Variants in VPS13D observed in about 807,000 individuals in gnomAD.
VPS13D encodes the protein intermembrane lipid transfer protein VPS13D.
VPS13D carries 187 observed loss-of-function variants against 461.9 expected under a neutral mutation model. The observed-to-expected ratio is 0.40, with a 90% confidence interval of 0.36 to 0.46. The LOEUF is 0.46. Ranked by LOEUF, VPS13D falls within the 20% of genes least tolerant of loss-of-function variation. VPS13D has a pLI of 0.60. For missense variants in VPS13D, 4,711 were observed against 5,364.9 expected, an observed-to-expected ratio of 0.88 and a Z score of 3.81; for synonymous variants, 1,951 against 1,986.3, an observed-to-expected ratio of 0.98 and a Z score of 0.47.
At chr1:12,398,324 A>G (rs1337935241) in intron 60 of VPS13D, among the ~76,000 whole-genome samples, 7 of 151,980 alleles carry the variant, frequency 4.6e-5, no homozygotes, top group African/African-American at 1.7e-4. Flanking sequence ...TTCCACTTAC[A>G]AGCTGTGCGA....
chr1:12,276,867 G>A lies in VPS13D; in HGVS notation c.3279G>A (p.Ser1093=), dbSNP rs144696813. The part of the protein sequence containing the change: ...EYQFVSSECP[S]MNLDSTLQVI... The stretch of plus-strand genomic sequence containing the variant: ...AGTTTGTGAGTTCAGAGTGCCCATC[G>A]ATGAATTTAGACAGTACTCTTCAGG... The change falls in exon 19 of 70, where the codon TCG becomes TCA. Residue 1093 remains serine, a synonymous_variant. Coordinates refer to ENST00000620676, the MANE Select transcript of VPS13D (RefSeq NM_015378.4). The surrounding 1 kb of genome is among the most constrained non-coding windows in gnomAD (Gnocchi z 4.5). The A allele has an allele frequency of 6.2e-5, 100 of 1,614,124 alleles. 1 individual carries two copies. The highest frequency in any genetic ancestry group is 4.5e-4 in the Admixed American group (27 of 60,024).
chr1:12,276,454 C>T lies in VPS13D; in HGVS notation c.2866C>T (p.Leu956=). The part of the protein sequence containing the change: ...REVLVESQLL[L]AEFKVNCMQL... ...GGTTCTGGTGGAGTCGCAGCTCCTCCTGGCGGAATTTAAAGTGAACTGTAT... is the reference window on the plus strand; with the variant it reads ...GGTTCTGGTGGAGTCGCAGCTCCTCTTGGCGGAATTTAAAGTGAACTGTAT... Residue 956 remains leucine, a synonymous_variant, in exon 19 of 70, where the codon CTG becomes TTG. Transcript: ENST00000620676. The surrounding 1 kb of genome is among the most constrained non-coding windows in gnomAD (Gnocchi z 4.5). The T allele has an allele frequency of 6.2e-7, 1 of 1,614,180 alleles. No homozygotes were observed. Among genetic ancestry groups the T allele is most frequent in the South Asian group, 1.1e-5 (1 of 91,074 alleles).
intron 44 of VPS13D, among the ~76,000 whole-genome samples, chr1:12,347,011 G>T (rs572451128): frequency 2.0e-5 from 3 of 152,280 alleles, no homozygotes; most frequent in African/African-American, 7.2e-5. Context: ...GGAAAAAGTA[G>T]CAGTTTATTT....
At chr1:12,311,788 A>T (rs1177664611) in intron 28 of VPS13D, 25 bp from the exon 29 acceptor site, 6 of 1,605,600 alleles carry the variant, frequency 3.7e-6, no homozygotes, top group Middle Eastern at 3.3e-4. Context: ...TCAGCTGTGG[A>T]TTGACGAGCA....
chr1:12,283,713 G>T lies in VPS13D; in HGVS notation c.5611G>T (p.Val1871Leu). 2 of 1,613,418 alleles carry T rather than the reference G, an allele frequency of 1.2e-6. No homozygotes were observed. Among genetic ancestry groups the T allele is most frequent in the Non-Finnish European group, 1.7e-6 (2 of 1,179,476 alleles). ...ASMESGLQDP[V>L]NTKLDLKVHS... ...CATGGAGTCTGGACTTCAGGATCCA[G>T]TGAACACCAAACTGGATCTCAAGGT... Residue 1871 changes from valine (V) to leucine (L), a missense_variant, in exon 21 of 70, where the codon GTG becomes TTG. By Grantham distance (32) the Val-to-Leu change is conservative (BLOSUM62 1). Coordinates refer to ENST00000620676, the MANE Select transcript of VPS13D (RefSeq NM_015378.4).
In VPS13D at chr1:12,460,413, G is replaced by A. The variant is rs1365787430; in HGVS notation, c.12662+17G>A. 2 of 1,545,958 alleles carry A rather than the reference G, an allele frequency of 1.3e-6. No individual in the cohort carries two copies. The highest frequency in any genetic ancestry group is 2.5e-5 in the South Asian group (2 of 80,390). ...CGGCCCCAGGTCAGTGGTGTGGGAAGAATGGCTTTTGCAGTTTCCAGCCTA... is the reference window on the plus strand; with the variant it reads ...CGGCCCCAGGTCAGTGGTGTGGGAAAAATGGCTTTTGCAGTTTCCAGCCTA... On this transcript the variant is annotated intron_variant, in intron 67 of 69. Transcript: ENST00000620676.
At chr1:12,321,669 C>T (rs910184685) in intron 32 of VPS13D, 140 bp from the exon 33 acceptor site, 3 of 911,214 alleles carry the variant, frequency 3.3e-6, no homozygotes, top group African/African-American at 3.5e-5. Flanking sequence ...CTTCACTCTT[C>T]ACAGTATTTA....
rs549338946 is a variant in VPS13D, at chr1:12,341,677, C to T, written c.8627-103C>T. On this transcript the variant is annotated intron_variant, in intron 40 of 69. Transcript: ENST00000620676. Reference sequence around the variant, plus strand: ...TTCTTTCTTGCTTCCACCTTCAGCCCCTTTGCACAAGAGACAAATTTGGGC... The same window carrying T: ...TTCTTTCTTGCTTCCACCTTCAGCCTCTTTGCACAAGAGACAAATTTGGGC... 4 of 969,138 alleles carry T rather than the reference C, an allele frequency of 4.1e-6. No homozygotes were observed. The East Asian group carries it at 9.9e-5, about 24-fold the overall frequency. The allele number at this position is 969,138 out of a possible 1,614,324, so 60.0% of individuals were successfully genotyped here.
Position 12,321,953 on chromosome 1 carries a change from C to G in VPS13D, c.7693C>G (p.Pro2565Ala), listed in dbSNP as rs1162216590. ...TGCATTCAATAGTGAAGATTTCCCA[C>G]CTGTCCTGGAGGTAATGATGCAAAA... ...MDAFNSEDFP[P>A]VLEIQLQALD... Residue 2565 changes from proline (P) to alanine (A), a missense_variant, in exon 33 of 70, where the codon CCT becomes GCT. This residue lies in a region of VPS13D where 4,411 missense variants were observed against 4,937.8 expected (regional missense o/e 0.89). Transcript: ENST00000620676. 1.2e-6 allele frequency: 2 copies of G among 1,613,560 alleles called. No individual in the cohort carries two copies. The highest frequency in any genetic ancestry group is 3.3e-5 in the Admixed American group (2 of 59,894).
intron 49 of VPS13D, among the ~76,000 whole-genome samples, chr1:12,357,145 T>C (rs914732063): frequency 6.6e-6 from 1 of 152,262 alleles, no homozygotes; most frequent in Non-Finnish European, 1.5e-5. Context: ...AGTCTTTTAA[T>C]AGAGCTCTAA....
chr1:12,406,186 T>C (rs1242697827), intron 63 of VPS13D, among the ~76,000 whole-genome samples: 1 of 151,926 alleles, frequency 6.6e-6, no homozygotes, highest in African/African-American at 2.4e-5. Flanking sequence ...GACTAAAGAG[T>C]TAAATTCTCA....
intron 2 of VPS13D, among the ~76,000 whole-genome samples, chr1:12,239,871 C>T (rs1416643702): frequency 1.3e-5 from 2 of 151,922 alleles, no homozygotes; most frequent in African/African-American, 2.4e-5. Context: ...GTGAGTGACC[C>T]GCATTATCAT....
In VPS13D at chr1:12,333,334, G is replaced by A; in HGVS notation, c.8396G>A (p.Arg2799His). 26 of 1,614,124 alleles carry A rather than the reference G, an allele frequency of 1.6e-5. No individual in the cohort carries two copies. Among genetic ancestry groups the A allele is most frequent in the Non-Finnish European group, 2.2e-5 (26 of 1,180,006 alleles). ...AAGCTAGAAGCCAAGGCCAAACCTC[G>A]TTTGGATATCAATATCACTTCTGTG... ...RLKLEAKAKP[R>H]LDINITSVLI... Residue 2799 changes from arginine to histidine, a missense_variant, in exon 38 of 70, where the codon CGT (arginine) becomes CAT (histidine). This residue lies in a region of VPS13D where 4,411 missense variants were observed against 4,937.8 expected (regional missense o/e 0.89). Transcript: ENST00000620676.
At chr1:12,247,605 T>G (rs1445882470) in intron 5 of VPS13D, among the ~76,000 whole-genome samples, 2 of 152,206 alleles carry the variant, frequency 1.3e-5, no homozygotes, top group Non-Finnish European at 1.5e-5. Flanking sequence ...GATTTGCATT[T>G]TCTTAATGGC....
intron 67 of VPS13D, among the ~76,000 whole-genome samples, chr1:12,490,924 A>G (rs1167562047): frequency 1.3e-5 from 2 of 152,344 alleles, no homozygotes; most frequent in East Asian, 3.9e-4. Flanking sequence ...TGGATACCAG[A>G]GGGTTTTTCA....
At chr1:12,436,285 C>T (rs1645059684) in intron 65 of VPS13D, among the ~76,000 whole-genome samples, 1 of 152,212 alleles carries the variant, frequency 6.6e-6, no homozygotes, top group Admixed American at 6.5e-5. Context: ...AAGGTCTGTA[C>T]AGGGGAAGGC....
intron 52 of VPS13D, among the ~76,000 whole-genome samples, chr1:12,366,401 C>CT (rs1319240971): frequency 6.6e-6 from 1 of 152,078 alleles, no homozygotes; most frequent in African/African-American, 2.4e-5. Flanking sequence ...TTGGGTAGGG[C>CT]TCTAGCACTC....
intron 67 of VPS13D, among the ~76,000 whole-genome samples, chr1:12,491,973 C>G (rs1645888463): frequency 6.6e-6 from 1 of 152,244 alleles, no homozygotes; most frequent in Admixed American, 6.5e-5. Context: ...TGCATGTGCG[C>G]TGAACAGACT....
intron 26 of VPS13D, 102 bp from the exon 27 acceptor site, chr1:12,308,329 A>G: frequency 7.8e-7 from 1 of 1,283,970 alleles, no homozygotes; most frequent in South Asian, 1.4e-5. Context: ...AGCTGTAAAC[A>G]TTTTCAAAGA....
Sources: gnomAD v4.1 joint callset for allele counts (sites outside exome capture counted in the v4.1 genomes callset) on GRCh38, gnomAD v4.1.1 for gene constraint, gnomAD v4.1.1 regional missense constraint, Gnocchi (gnomAD v3.1) non-coding constraint, MANE v1.5 for transcripts, NCBI Gene and HGNC (gene_info 2026-07-23, HGNC 2026-07-21) for gene names.